The following KCNH5 variants were observed in gnomAD, a reference collection of about 807,000 sequenced individuals.
KCNH5 encodes the protein voltage-gated delayed rectifier potassium channel KCNH5.
In KCNH5, 46 loss-of-function variants were observed where a neutral mutation model predicts 96.1. The observed-to-expected ratio is 0.48, with a 90% CI of 0.38 to 0.61. The LOEUF (loss-of-function observed/expected upper bound fraction) is 0.61. KCNH5 is among the 20% of genes least tolerant of loss of function. KCNH5 has a pLI of 0.00. For synonymous variants in KCNH5, 439 were observed against 449.8 expected, an observed-to-expected ratio of 0.98 and a Z score of 0.30; for missense variants, 907 against 1,225.8, an observed-to-expected ratio of 0.74 and a Z score of 3.88.
In KCNH5 at chr14:62,967,059, C is replaced by A. The variant is rs565515377; in HGVS notation, c.942+13813G>T. On this transcript the variant is annotated intron_variant, in intron 6 of 10. Coordinates refer to ENST00000322893, the MANE Select transcript of KCNH5 (RefSeq NM_139318.5). ...TAGCTTTTGACAGCCTCATGCTCTACCTAATCTAATACTTCTAATAACAAT... is the reference window on the plus strand; with the variant it reads ...TAGCTTTTGACAGCCTCATGCTCTAACTAATCTAATACTTCTAATAACAAT... Among the ~76,000 whole-genome samples, 8 of 152,198 alleles carry A rather than the reference C, an allele frequency of 5.3e-5. No homozygotes were observed. The South Asian group carries it at 1.5e-3, about 28-fold the overall frequency.
intron 7 of KCNH5, among the ~76,000 whole-genome samples, chr14:62,857,413 C>A (rs1471110000): frequency 1.3e-5 from 2 of 152,126 alleles, no homozygotes; most frequent in African/African-American, 4.8e-5. Flanking sequence ...GTGTATTAGT[C>A]AGTGTTCTTT....
intron 7 of KCNH5, among the ~76,000 whole-genome samples, chr14:62,949,575 C>T (rs1248921310): frequency 1.3e-5 from 2 of 152,152 alleles, no homozygotes; most frequent in Non-Finnish European, 2.9e-5. Context: ...ATCCTAGACA[C>T]TTCTCATTGC....
chr14:62,951,352 T>G (rs1355448042), intron 6 of KCNH5, among the ~76,000 whole-genome samples: 1 of 152,208 alleles, frequency 6.6e-6, no homozygotes, highest in Non-Finnish European at 1.5e-5. Flanking sequence ...AGTCCCATAG[T>G]TACTTTTTTG....
At chr14:62,740,495 C>T (rs908962468) in intron 10 of KCNH5, among the ~76,000 whole-genome samples, 1 of 152,124 alleles carries the variant, frequency 6.6e-6, no homozygotes, top group African/African-American at 2.4e-5. Context: ...AACATTACAC[C>T]TAAGCTTGCC....
At chr14:62,730,636 T>G (rs1042787638) in intron 10 of KCNH5, among the ~76,000 whole-genome samples, 3 of 152,230 alleles carry the variant, frequency 2.0e-5, no homozygotes, top group Admixed American at 2.0e-4. Context: ...GAAACCTCTT[T>G]CCTCATCTAT....
intron 9 of KCNH5, among the ~76,000 whole-genome samples, chr14:62,784,318 G>C (rs1305419204): frequency 2.0e-5 from 3 of 152,146 alleles, no homozygotes; most frequent in African/African-American, 7.2e-5. Flanking sequence ...TTGACATGTA[G>C]GGATTATTAC....
chr14:62,982,552 A>C (rs746668706), intron 5 of KCNH5, among the ~76,000 whole-genome samples: 3 of 152,210 alleles, frequency 2.0e-5, no homozygotes, highest in Non-Finnish European at 4.4e-5. Flanking sequence ...AAATGCATTA[A>C]ATATTTAGAT....
chr14:62,866,308 A>C (rs1888133203), intron 7 of KCNH5, among the ~76,000 whole-genome samples: 1 of 152,172 alleles, frequency 6.6e-6, no homozygotes, highest in South Asian at 2.1e-4. Flanking sequence ...CCACCTTTCT[A>C]ATTTTCAAGA....
chr14:62,739,956 AT>A (rs1313915463), intron 10 of KCNH5, among the ~76,000 whole-genome samples: 2 of 152,130 alleles, frequency 1.3e-5, no homozygotes, highest in Non-Finnish European at 2.9e-5. Context: ...TAAGATGATG[AT>A]TTTGGAGGGT....
intron 7 of KCNH5, among the ~76,000 whole-genome samples, chr14:62,917,659 C>T (rs1386491841): frequency 1.3e-5 from 2 of 152,158 alleles, no homozygotes; most frequent in Admixed American, 6.5e-5. Context: ...TGCCTGGCTG[C>T]AAATGGACCA....
chr14:62,937,762 G>A (rs1350716332), intron 7 of KCNH5, among the ~76,000 whole-genome samples: 1 of 152,280 alleles, frequency 6.6e-6, no homozygotes, highest in East Asian at 1.9e-4. Flanking sequence ...CAGCAACCCT[G>A]GAACAGAAAA....
intron 6 of KCNH5, among the ~76,000 whole-genome samples, chr14:62,964,556 A>T (rs1429794662): frequency 6.6e-6 from 1 of 152,106 alleles, no homozygotes; most frequent in Admixed American, 6.6e-5. Context: ...AACTCTGACC[A>T]AGATGACCTT....
chr14:62,742,939 C>G (rs368678714), intron 10 of KCNH5, among the ~76,000 whole-genome samples: 6 of 152,164 alleles, frequency 3.9e-5, no homozygotes, highest in Admixed American at 1.3e-4. Context: ...TTCATGTACA[C>G]AGCAGTTGGA....
At chr14:63,024,974 C>A (rs1186153074) in intron 1 of KCNH5, among the ~76,000 whole-genome samples, 4 of 151,928 alleles carry the variant, frequency 2.6e-5, no homozygotes, top group African/African-American at 7.2e-5. Flanking sequence ...AACATAGATG[C>A]AAAAATCCTC....
rs1204009693 is a variant in KCNH5 at position 62,705,234 on chromosome 14, C to A, written c.*2274G>T. On this transcript the variant is annotated 3_prime_UTR_variant, in exon 11 of 11. Coordinates refer to ENST00000322893, the MANE Select transcript of KCNH5 (RefSeq NM_139318.5). The stretch of plus-strand genomic sequence containing the variant: ...AAAGCCATGAATTAGAACTTCAAAT[C>A]ATCATGTTGTTCACAGTCATTCTTT... 1.3e-5 allele frequency: 2 copies of A among 152,078 alleles called. No individual in the cohort carries two copies. The highest frequency in any genetic ancestry group is 4.8e-5 in the African/African-American group (2 of 41,562). 9.4% of individuals were successfully genotyped at this position (152,078 alleles called of 1,614,324 possible). A position where few individuals can be genotyped will look rare whatever the true frequency, so the allele number is the denominator to read the frequency against.
chr14:62,983,811 C>T (rs1890655780), intron 5 of KCNH5, among the ~76,000 whole-genome samples: 1 of 152,054 alleles, frequency 6.6e-6, no homozygotes, highest in Non-Finnish European at 1.5e-5. Context: ...CAAAACCTTC[C>T]CAGGTGATTA....
At chr14:62,717,081 A>G (rs1884702558) in intron 10 of KCNH5, among the ~76,000 whole-genome samples, 1 of 152,170 alleles carries the variant, frequency 6.6e-6, no homozygotes. Context: ...AAATTTATCA[A>G]AAGAAGAAGT....
chr14:63,019,284 C>A (rs1891383502), intron 1 of KCNH5, among the ~76,000 whole-genome samples: 1 of 151,956 alleles, frequency 6.6e-6, no homozygotes, highest in Admixed American at 6.6e-5. Flanking sequence ...GCAAATTGAT[C>A]TACAGATTCA....
intron 10 of KCNH5, among the ~76,000 whole-genome samples, chr14:62,711,339 T>C (rs1884563239): frequency 6.6e-6 from 1 of 152,002 alleles, no homozygotes; most frequent in Admixed American, 6.6e-5. Flanking sequence ...GGCACAGGGC[T>C]TGATTTCTCA....
Sources: allele counts gnomAD v4.1 joint callset (sites outside exome capture counted in the v4.1 genomes callset), GRCh38; gene constraint gnomAD v4.1.1; transcripts MANE v1.5; gene names NCBI Gene and HGNC (gene_info 2026-07-23, HGNC 2026-07-21).